EXO1: variants seen among roughly 807,000 people sequenced by gnomAD.
EXO1 encodes exonuclease 1.
In EXO1, 69 loss-of-function variants were observed where a neutral mutation model predicts 84.5. That is an observed-to-expected ratio of 0.82 (90% CI 0.67 to 1.00). The LOEUF is 1.00. Among genes scored for constraint, EXO1 ranks in the 50% least tolerant of loss-of-function variants. The pLI is 0.00. For missense variants in EXO1, 1,045 were observed against 1,000.7 expected (o/e 1.04, Z -0.60); for synonymous variants, 373 against 366.1 (o/e 1.02, Z -0.21).
chr1:241,884,674 T>TGTGTGTGTGCAC (rs67560872), intron 14 of EXO1, among the ~76,000 whole-genome samples: 1,876 of 149,660 alleles, frequency 0.013, 36 homozygotes, highest in African/African-American at 0.042. Flanking sequence ...TGTGTGTGTG[T>TGTGTGTGTGCAC]GTGCACGTGC....
At position 241,881,989 on chromosome 1, in the gene EXO1, C is replaced by CA. The variant is rs752940417; in HGVS notation, c.2190dup (p.Asp731ArgfsTer13). 2.6e-6 allele frequency: 4 copies of CA among 1,556,508 alleles called. No homozygotes were observed. Among genetic ancestry groups the CA allele is most frequent in the Non-Finnish European group, 3.5e-6 (4 of 1,131,020 alleles). On this transcript the variant is annotated frameshift_variant, in exon 14 of 16. Transcript: ENST00000366548. LOFTEE classifies it high-confidence loss of function. ...TCCAAGCTACGTTTATCTCATTTCT[C>CA]AAAAAAAGACACACCTCTAAGGAAC...
rs754674470 is a variant in EXO1 at position 241,889,657 on chromosome 1, T to G, written c.*57T>G. 2.6e-5 allele frequency: 40 copies of G among 1,555,314 alleles called. No individual in the cohort carries two copies. Among genetic ancestry groups the G allele is most frequent in the Admixed American group, 1.2e-4 (7 of 59,940 alleles). On this transcript the variant is annotated 3_prime_UTR_variant, in exon 16 of 16. Coordinates refer to ENST00000366548, the MANE Select transcript of EXO1 (RefSeq NM_130398.4). ...GAGAATCTGATCAATTTGAAGTCCC[T>G]GTTTGGGAATGAGGCACTTATCAGC...
At chr1:241,871,501 C>G (rs1189888801) in intron 11 of EXO1, among the ~76,000 whole-genome samples, 1 of 152,158 alleles carries the variant, frequency 6.6e-6, no homozygotes, top group Admixed American at 6.5e-5. Flanking sequence ...ACATTTGACA[C>G]ACAGCAATCT....
intron 12 of EXO1, among the ~76,000 whole-genome samples, chr1:241,878,221 G>A (rs1329749308): frequency 6.6e-6 from 1 of 152,130 alleles, no homozygotes; most frequent in African/African-American, 2.4e-5. Context: ...TCTCTAGGCC[G>A]GGCGCTGTGG....
At chr1:241,851,895 T>C (rs1660690146) in intron 4 of EXO1, among the ~76,000 whole-genome samples, 1 of 152,210 alleles carries the variant, frequency 6.6e-6, no homozygotes, top group Admixed American at 6.5e-5. Flanking sequence ...TTAGCTGTGA[T>C]ATGGTGTCGT....
chr1:241,887,308 T>G (rs1454326410), intron 15 of EXO1, among the ~76,000 whole-genome samples: 1 of 152,184 alleles, frequency 6.6e-6, no homozygotes, highest in African/African-American at 2.4e-5. Context: ...AGTTAATTAT[T>G]TAAGTTGTTA....
At position 241,873,657 on chromosome 1, in the gene EXO1, T is replaced by C. The variant is rs550937560; in HGVS notation, c.1514+1379T>C. On this transcript the variant is annotated intron_variant, in intron 12 of 15. Transcript: ENST00000366548. ...TCAAAAATGAGAAAGACAGTTTTTG[T>C]TTTTCAGAAGCTTGTAGTCCAGTTG... 9.9e-5 allele frequency among the ~76,000 whole-genome samples: 15 copies of C among 152,248 alleles called. 1 individual carries two copies. In the South Asian group the frequency reaches 3.1e-3, roughly 32 times the overall value.
In EXO1 at chr1:241,879,146, G is replaced by GA; in HGVS notation, c.1913dup (p.Asp638GlufsTer8). 5 of 1,609,196 alleles carry GA rather than the reference G, an allele frequency of 3.1e-6. No individual in the cohort carries two copies. Among genetic ancestry groups the GA allele is most frequent in the Non-Finnish European group, 4.3e-6 (5 of 1,175,696 alleles). Reference sequence around the variant, plus strand: ...ATTGCAGCAGTTCCGAAGAAAGAGCGATTCCCCCACCTCTTTGCCTGAGAA... The same window carrying GA: ...ATTGCAGCAGTTCCGAAGAAAGAGCGAATTCCCCCACCTCTTTGCCTGAGAA... On this transcript the variant is annotated frameshift_variant, in exon 13 of 16. Transcript: ENST00000366548. LOFTEE classifies it high-confidence loss of function.
At chr1:241,871,198 A>G (rs1011249681) in intron 11 of EXO1, among the ~76,000 whole-genome samples, 1 of 152,240 alleles carries the variant, frequency 6.6e-6, no homozygotes, top group African/African-American at 2.4e-5. Context: ...AACAGATTTA[A>G]CTTTTGCTGG....
intron 4 of EXO1, among the ~76,000 whole-genome samples, chr1:241,851,314 G>C (rs1660658566): frequency 6.6e-6 from 1 of 152,092 alleles, no homozygotes; most frequent in African/African-American, 2.4e-5. Flanking sequence ...TGATCAGCAG[G>C]TCCCAATCAT....
rs541639590 is a variant in EXO1, at chr1:241,875,731, A to G, written c.1515-3018A>G. On this transcript the variant is annotated intron_variant, in intron 12 of 15. Coordinates refer to ENST00000366548, the MANE Select transcript of EXO1 (RefSeq NM_130398.4). ...ATCTCTACTAAAAGTACAAAAAATT[A>G]GCCGGGCGTGGTGGCGGGCGCTAGT... 2.6e-5 allele frequency among the ~76,000 whole-genome samples: 4 copies of G among 152,284 alleles called. No homozygotes were observed. The South Asian group carries it at 8.3e-4, about 32-fold the overall frequency.
intron 13 of EXO1, among the ~76,000 whole-genome samples, chr1:241,880,049 C>T (rs561934587): frequency 2.6e-5 from 4 of 151,748 alleles, no homozygotes; most frequent in Non-Finnish European, 5.9e-5. Context: ...AGGAAATAAC[C>T]CTGTTAATGC....
chr1:241,870,715 G>T (rs1662035046), intron 11 of EXO1, among the ~76,000 whole-genome samples: 1 of 152,094 alleles, frequency 6.6e-6, no homozygotes, highest in African/African-American at 2.4e-5. Context: ...TTAGTTCATT[G>T]TTCTGCCTGT....
intron 6 of EXO1, among the ~76,000 whole-genome samples, chr1:241,857,089 T>A (rs3094880): frequency 0.51 from 77,575 of 151,590 alleles, 20,138 homozygotes; most frequent in East Asian, 0.71. Context: ...GATTCTTTTT[T>A]CCTCTGGCTG....
At position 241,885,435 on chromosome 1, in the gene EXO1, A is replaced by G. The variant is rs371592693; in HGVS notation, c.2333A>G (p.His778Arg). The change falls in exon 15 of 16, where the codon CAT becomes CGT. Residue 778 changes from histidine to arginine, a missense_variant. Transcript: ENST00000366548. ...CCGGCAAGCATCCAGAAGAGAAAGC[A>G]TCATAATGCCGAGAACAAGCCGGGG... ...KKPASIQKRK[H>R]HNAENKPGLQ... is the part of the protein sequence containing the mutation. 19 of 1,613,840 alleles carry G rather than the reference A, an allele frequency of 1.2e-5. No individual in the cohort carries two copies. In the African/African-American group the frequency reaches 1.2e-4, roughly 10 times the overall value.
chr1:241,861,296 G>A (rs1661367471), intron 9 of EXO1, 110 bp from the exon 10 acceptor site: 11 of 706,472 alleles, frequency 1.6e-5, no homozygotes, highest in Non-Finnish European at 2.1e-5. Flanking sequence ...CTCCATTTAA[G>A]TCATAAACCT....
intron 11 of EXO1, among the ~76,000 whole-genome samples, chr1:241,867,478 G>A (rs1286610681): frequency 1.3e-5 from 2 of 152,154 alleles, no homozygotes; most frequent in African/African-American, 4.8e-5. Flanking sequence ...GGAATTATGG[G>A]AGATACAATT....
At chr1:241,865,491 G>T (rs956315516) in intron 10 of EXO1, among the ~76,000 whole-genome samples, 2 of 150,340 alleles carry the variant, frequency 1.3e-5, no homozygotes, top group Admixed American at 1.3e-4. Context: ...GATTACAGGT[G>T]TGAGCCACCA....
intron 15 of EXO1, among the ~76,000 whole-genome samples, chr1:241,885,828 T>G (rs1031114156): frequency 3.8e-5 from 5 of 132,878 alleles, no homozygotes; most frequent in African/African-American, 1.4e-4. Flanking sequence ...GAGAATAAAA[T>G]TTTATTTGGT....
Sources: gnomAD v4.1 joint callset for allele counts (sites outside exome capture counted in the v4.1 genomes callset) on GRCh38, gnomAD v4.1.1 for gene constraint, MANE v1.5 for transcripts, NCBI Gene and HGNC (gene_info 2026-07-23, HGNC 2026-07-21) for gene names.